PDZD2: variants seen among roughly 807,000 people sequenced by gnomAD.
The protein encoded by PDZD2 is PDZ domain-containing protein 2.
A neutral mutation model predicts 220.7 loss-of-function variants in PDZD2; 90 were observed. That is an observed-to-expected ratio of 0.41 (90% confidence interval 0.34 to 0.49). The LOEUF is 0.49. Among genes scored for constraint, PDZD2 ranks in the 20% least tolerant of loss-of-function variants. The pLI, the probability that PDZD2 is intolerant of heterozygous loss-of-function variation, is 0.28. For missense variants in PDZD2, 3,174 were observed against 3,608.5 expected (o/e 0.88, Z 3.08); for synonymous variants, 1,375 against 1,450.5 (o/e 0.95, Z 1.18).
intron 1 of PDZD2, among the ~76,000 whole-genome samples, chr5:31,644,226 G>A (rs1366659874): frequency 1.3e-5 from 2 of 152,058 alleles, no homozygotes; most frequent in African/African-American, 2.4e-5. Context: ...CCTATGCATC[G>A]GTTGCATATA....
At chr5:31,696,545 T>G (rs1241473880) in intron 1 of PDZD2, among the ~76,000 whole-genome samples, 1 of 152,148 alleles carries the variant, frequency 6.6e-6, no homozygotes, top group African/African-American at 2.4e-5. Context: ...TCAAGTGATC[T>G]ACAAGTCTTG....
At chr5:31,824,263 C>T (rs1756076747) in intron 2 of PDZD2, among the ~76,000 whole-genome samples, 2 of 152,210 alleles carry the variant, frequency 1.3e-5, no homozygotes, top group South Asian at 4.1e-4. Flanking sequence ...TAGCTGTATT[C>T]TTACCTACAG....
chr5:32,064,979 GAAATA>G (rs1207108118), intron 14 of PDZD2, among the ~76,000 whole-genome samples: 1 of 148,248 alleles, frequency 6.7e-6, no homozygotes, highest in Non-Finnish European at 1.5e-5. Flanking sequence ...AAAAAGTAAA[GAAATA>G]AAATCAAAGT....
intron 1 of PDZD2, among the ~76,000 whole-genome samples, chr5:31,731,479 T>C (rs903298802): frequency 6.6e-5 from 10 of 152,216 alleles, no homozygotes; most frequent in African/African-American, 2.2e-4. Flanking sequence ...TCACTCGCTA[T>C]TGGCCCCTCT....
At chr5:32,045,571 T>C (rs1352417062) in intron 7 of PDZD2, among the ~76,000 whole-genome samples, 4 of 151,132 alleles carry the variant, frequency 2.6e-5, no homozygotes, top group Non-Finnish European at 4.4e-5. Flanking sequence ...CAGGCACATA[T>C]ACCACCACGC....
chr5:32,072,078 C>A, intron 16 of PDZD2, 83 bp from the exon 17 acceptor site: 2 of 970,402 alleles, frequency 2.1e-6, no homozygotes, highest in Non-Finnish European at 1.6e-6. Context: ...ACGAAGTGTT[C>A]TTGGAAAGAT....
intron 2 of PDZD2, among the ~76,000 whole-genome samples, chr5:31,863,019 C>G (rs569628460): frequency 6.6e-6 from 1 of 152,176 alleles, no homozygotes. Flanking sequence ...GCTGGGATTA[C>G]AGGCGTGAGC....
chr5:32,076,478 A>G lies in PDZD2; in HGVS notation c.3538-984A>G, dbSNP rs1741311723. 2.0e-5 allele frequency among the ~76,000 whole-genome samples: 3 copies of G among 152,284 alleles called. No homozygotes were observed. In the South Asian group the frequency reaches 6.2e-4, roughly 32 times the overall value. ...GACTAATTTTTCTCATAAAAATTTT[A>G]GTTACAAAATTTGATTTTATTTATA... On this transcript the variant is annotated intron_variant, in intron 18 of 24. Transcript: ENST00000438447.
intron 24 of PDZD2, among the ~76,000 whole-genome samples, chr5:32,104,341 C>A (rs1437742014): frequency 6.6e-6 from 1 of 151,852 alleles, no homozygotes; most frequent in Non-Finnish European, 1.5e-5. Flanking sequence ...TATTACAGAA[C>A]AAGCATTTGA....
intron 5 of PDZD2, among the ~76,000 whole-genome samples, chr5:32,009,072 C>T (rs1040547791): frequency 6.6e-6 from 1 of 152,056 alleles, no homozygotes; most frequent in Non-Finnish European, 1.5e-5. Context: ...TAGCCGGGCT[C>T]GGTGGCTCAT....
intron 2 of PDZD2, among the ~76,000 whole-genome samples, chr5:31,973,912 A>G (rs1400267893): frequency 6.6e-6 from 1 of 152,164 alleles, no homozygotes; most frequent in Admixed American, 6.5e-5. Flanking sequence ...AGTCACAGCC[A>G]CTTGGGAGGC....
At chr5:32,013,582 A>G (rs1417228997) in intron 6 of PDZD2, among the ~76,000 whole-genome samples, 1 of 151,998 alleles carries the variant, frequency 6.6e-6, no homozygotes, top group African/African-American at 2.4e-5. Context: ...TGTTGCCTTT[A>G]AGGGGAAGCT....
rs566957154 is a variant in PDZD2, at chr5:32,085,603, A to G, written c.3683-1528A>G. Among the ~76,000 whole-genome samples, 15 of 149,772 alleles carry G rather than the reference A, an allele frequency of 1.0e-4. No individual in the cohort carries two copies. In the East Asian group the frequency reaches 2.5e-3, roughly 25 times the overall value. ...TGGGATTACAGGCGTGTGCCACCACACTCAGCTAATTTTTGTATTTTTAGT... is the reference window on the plus strand; with the variant it reads ...TGGGATTACAGGCGTGTGCCACCACGCTCAGCTAATTTTTGTATTTTTAGT... On this transcript the variant is annotated intron_variant, in intron 19 of 24. Transcript: ENST00000438447.
At chr5:31,647,592 G>T (rs1255108401) in intron 1 of PDZD2, among the ~76,000 whole-genome samples, 1 of 152,136 alleles carries the variant, frequency 6.6e-6, no homozygotes, top group African/African-American at 2.4e-5. Context: ...TTGTCTGTGT[G>T]TCTGTGTCTT....
chr5:31,818,882 CA>C, intron 2 of PDZD2, among the ~76,000 whole-genome samples: 1 of 152,132 alleles, frequency 6.6e-6, no homozygotes, highest in Non-Finnish European at 1.5e-5. Flanking sequence ...GCTAACTCAA[CA>C]GATATAATTT....
chr5:32,057,850 A>G, intron 11 of PDZD2, 28 bp from the exon 12 acceptor site: 1 of 1,540,466 alleles, frequency 6.5e-7, no homozygotes, highest in Non-Finnish European at 9.0e-7. Flanking sequence ...CAAATGTTTC[A>G]GCCCACCTTT....
Position 32,083,817 on chromosome 5 carries a change from C to T in PDZD2, c.3683-3314C>T, listed in dbSNP as rs898786115. On this transcript the variant is annotated intron_variant, in intron 19 of 24. Coordinates refer to ENST00000438447, the MANE Select transcript of PDZD2 (RefSeq NM_178140.4). This position sits in a 1 kb window ranked among gnomAD's most constrained non-coding sequence, Gnocchi z 4.1. ...TCAGCCTCCCAAGCAGCTGGGATTA[C>T]AGACGTGCACCACCACACCTGGCTA... 1.8e-4 allele frequency among the ~76,000 whole-genome samples: 28 copies of T among 152,022 alleles called. No individual in the cohort carries two copies. Among genetic ancestry groups the T allele is most frequent in the African/African-American group, 6.8e-4 (28 of 41,420 alleles).
At chr5:31,884,760 G>A (rs149430141) in intron 2 of PDZD2, among the ~76,000 whole-genome samples, 3 of 152,052 alleles carry the variant, frequency 2.0e-5, no homozygotes, top group Admixed American at 2.0e-4. Flanking sequence ...GCTAATTTTT[G>A]TGTTTTTAGT....
At chr5:31,667,810 A>G (rs1746052122) in intron 1 of PDZD2, among the ~76,000 whole-genome samples, 1 of 149,360 alleles carries the variant, frequency 6.7e-6, no homozygotes, top group Non-Finnish European at 1.5e-5. Context: ...CTGCTCAGGA[A>G]GGTAGAGGGG....
Sources: gnomAD v4.1 joint callset for allele counts (sites outside exome capture counted in the v4.1 genomes callset) on GRCh38, gnomAD v4.1.1 for gene constraint, Gnocchi (gnomAD v3.1) non-coding constraint, MANE v1.5 for transcripts, NCBI Gene and HGNC (gene_info 2026-07-23, HGNC 2026-07-21) for gene names.